PHYHIPL: variants seen among roughly 807,000 people sequenced by gnomAD.
PHYHIPL encodes the protein phytanoyl-CoA 2-hydroxylase interacting protein like, also known as phytanoyl-CoA hydroxylase-interacting protein-like.
In PHYHIPL, 9 loss-of-function variants were observed where a neutral mutation model predicts 33.4. The observed-to-expected ratio is 0.27, with a 90% confidence interval of 0.16 to 0.47. The LOEUF is 0.47. Ranked by LOEUF, PHYHIPL falls within the 20% of genes least tolerant of loss-of-function variation. The pLI, the probability that PHYHIPL is intolerant of heterozygous loss-of-function variation, is 0.99. For missense variants in PHYHIPL, 365 were observed against 460.7 expected, an observed-to-expected ratio of 0.79 and a Z score of 1.90; for synonymous variants, 153 against 154.1, an observed-to-expected ratio of 0.99 and a Z score of 0.05.
At chr10:59,210,694 A>T (rs139636261) in intron 1 of PHYHIPL, among the ~76,000 whole-genome samples, 1 of 152,220 alleles carries the variant, frequency 6.6e-6, no homozygotes, top group Non-Finnish European at 1.5e-5. Flanking sequence ...CATCAATGAT[A>T]GACTGGATAA....
At chr10:59,227,134 C>A (rs975374276) in intron 1 of PHYHIPL, among the ~76,000 whole-genome samples, 1 of 152,098 alleles carries the variant, frequency 6.6e-6, no homozygotes, top group Non-Finnish European at 1.5e-5. Context: ...AGGTCTCAGT[C>A]TATTTTCTGT....
intron 1 of PHYHIPL, among the ~76,000 whole-genome samples, chr10:59,184,557 TGG>T (rs1224848579): frequency 6.6e-6 from 1 of 152,026 alleles, no homozygotes; most frequent in African/African-American, 2.4e-5. Flanking sequence ...TAGTTCTGTA[TGG>T]AGTCAGTCAG....
Position 59,176,731 on chromosome 10 carries a change from C to G in PHYHIPL, c.-123C>G. ...GCGCCTCAGCCTCGGCGCCGCATCACCGCGTCCCAGGCCTCCTTCCCTCCC... is the reference window on the plus strand; with the variant it reads ...GCGCCTCAGCCTCGGCGCCGCATCAGCGCGTCCCAGGCCTCCTTCCCTCCC... On this transcript the variant is annotated 5_prime_UTR_variant, in exon 1 of 5. Transcript: ENST00000373880. The G allele has an allele frequency of 1.1e-6, 1 of 873,680 alleles. No individual in the cohort carries two copies. The highest frequency in any genetic ancestry group is 1.7e-6 in the Non-Finnish European group (1 of 584,004). 54.1% of individuals were successfully genotyped at this position (873,680 alleles called of 1,614,324 possible).
At chr10:59,233,968 G>A (rs1481024864) in intron 1 of PHYHIPL, among the ~76,000 whole-genome samples, 1 of 151,752 alleles carries the variant, frequency 6.6e-6, no homozygotes. Flanking sequence ...ATTTGGATGG[G>A]CCCTTTCATT....
chr10:59,239,250 A>G (rs966867515), intron 4 of PHYHIPL, among the ~76,000 whole-genome samples: 4 of 152,064 alleles, frequency 2.6e-5, no homozygotes, highest in Non-Finnish European at 5.9e-5. Flanking sequence ...ACAGTTCCAC[A>G]TGGCTGGAGA....
intron 4 of PHYHIPL, among the ~76,000 whole-genome samples, chr10:59,239,753 T>A (rs1840335655): frequency 6.6e-6 from 1 of 152,008 alleles, no homozygotes; most frequent in Non-Finnish European, 1.5e-5. Context: ...TGTTTTGTGT[T>A]TTAAAAGCCT....
At chr10:59,177,713 C>G in intron 1 of PHYHIPL, 1 of 1,406,436 alleles carries the variant, frequency 7.1e-7, no homozygotes, top group Non-Finnish European at 9.9e-7. Flanking sequence ...CAGGTCTGAG[C>G]GTTGAAGACA....
rs557003202 is a variant in PHYHIPL, at chr10:59,185,976, A to C, written c.106+9017A>C. 8.9e-4 allele frequency among the ~76,000 whole-genome samples: 135 copies of C among 151,986 alleles called. 3 individuals carry two copies. Among genetic ancestry groups the C allele is most frequent in the South Asian group, 1.5e-3 (7 of 4,814 alleles). On this transcript the variant is annotated intron_variant, in intron 1 of 4. Coordinates refer to ENST00000373880, the MANE Select transcript of PHYHIPL (RefSeq NM_032439.4). Reference sequence around the variant, plus strand: ...CAGAAGCTCTTTAGTTTAATTAGATACTATTTGTCAATTTTGGCTTTTGTT... The same window carrying C: ...CAGAAGCTCTTTAGTTTAATTAGATCCTATTTGTCAATTTTGGCTTTTGTT...
chr10:59,177,437 A>G (rs1342333375), intron 1 of PHYHIPL: 1 of 1,493,934 alleles, frequency 6.7e-7, no homozygotes, highest in East Asian at 2.5e-5. Flanking sequence ...AGACTCCCCA[A>G]ATTAACAAGT....
intron 1 of PHYHIPL, among the ~76,000 whole-genome samples, chr10:59,211,407 ACTCTTGTT>A (rs1839437040): frequency 6.6e-6 from 1 of 151,464 alleles, no homozygotes; most frequent in Non-Finnish European, 1.5e-5. Flanking sequence ...ATGGAGTTTC[ACTCTTGTT>A]GCCCAGGCTG....
intron 1 of PHYHIPL, among the ~76,000 whole-genome samples, chr10:59,223,108 A>G (rs1445474078): frequency 6.6e-6 from 1 of 152,236 alleles, no homozygotes; most frequent in African/African-American, 2.4e-5. Flanking sequence ...CTATCAACAT[A>G]GGAAATTCAT....
chr10:59,190,024 T>G (rs1442822122), intron 1 of PHYHIPL, among the ~76,000 whole-genome samples: 1 of 151,992 alleles, frequency 6.6e-6, no homozygotes, highest in Non-Finnish European at 1.5e-5. Flanking sequence ...CTTTCTAATT[T>G]GTGGAGAACG....
At chr10:59,204,504 G>A (rs1564707454) in intron 1 of PHYHIPL, among the ~76,000 whole-genome samples, 1 of 152,142 alleles carries the variant, frequency 6.6e-6, no homozygotes, top group Non-Finnish European at 1.5e-5. Context: ...GAAAGAGGAG[G>A]AGAATTTCAG....
chr10:59,235,971 A>G (rs1213602611), intron 2 of PHYHIPL, among the ~76,000 whole-genome samples: 1 of 151,954 alleles, frequency 6.6e-6, no homozygotes, highest in Non-Finnish European at 1.5e-5. Flanking sequence ...TTAACCAAAT[A>G]TAATATTTTT....
chr10:59,236,345 C>T, intron 2 of PHYHIPL, 138 bp from the exon 3 acceptor site: 1 of 427,046 alleles, frequency 2.3e-6, no homozygotes, highest in Non-Finnish European at 4.1e-6. Flanking sequence ...CTCCTTCCTT[C>T]CCTCCCTCCT....
In PHYHIPL at chr10:59,194,651, G is replaced by A. The variant is rs116078064; in HGVS notation, c.106+17692G>A. 2.7e-3 allele frequency among the ~76,000 whole-genome samples: 405 copies of A among 152,200 alleles called. 2 individuals are homozygous for A. Among genetic ancestry groups the A allele is most frequent in the African/African-American group, 9.1e-3 (377 of 41,548 alleles). On this transcript the variant is annotated intron_variant, in intron 1 of 4. Coordinates refer to ENST00000373880, the MANE Select transcript of PHYHIPL (RefSeq NM_032439.4). ...CTCTGTCAGTTCTGCAGTGTTCTTC[G>A]TTGTTTCTTTCAGAAGGATTTGACA...
At chr10:59,207,192 A>G (rs2133230706) in intron 1 of PHYHIPL, among the ~76,000 whole-genome samples, 1 of 152,278 alleles carries the variant, frequency 6.6e-6, no homozygotes, top group Admixed American at 6.5e-5. Flanking sequence ...ATCAACACAG[A>G]AGGTGGGTGA....
chr10:59,243,129 A>G (rs920241159), intron 4 of PHYHIPL, among the ~76,000 whole-genome samples: 1 of 91,214 alleles, frequency 1.1e-5, no homozygotes, highest in African/African-American at 6.6e-5. Context: ...AGGCCAAAGG[A>G]AAAAAAAAAA....
At chr10:59,238,781 C>A in intron 4 of PHYHIPL, 76 bp downstream of exon 4, 1 of 829,844 alleles carries the variant, frequency 1.2e-6, no homozygotes, top group South Asian at 2.2e-5. Flanking sequence ...TCCCTTGACT[C>A]TAGTTTTGTC....
Sources: gnomAD v4.1 joint callset for allele counts (sites outside exome capture counted in the v4.1 genomes callset) on GRCh38, gnomAD v4.1.1 for gene constraint, MANE v1.5 for transcripts, NCBI Gene and HGNC (gene_info 2026-07-23, HGNC 2026-07-21) for gene names.